The following CYP3A5 variants were observed in gnomAD, a reference collection of about 807,000 sequenced individuals.
The protein encoded by CYP3A5 is cytochrome P450 3A5.
CYP3A5 carries 51 observed loss-of-function variants against 55.9 expected under a neutral mutation model. The observed-to-expected ratio is 0.91, with a 90% CI of 0.73 to 1.15. The LOEUF is 1.15. CYP3A5 is among the 50% of genes most tolerant of loss of function. CYP3A5 has a pLI of 0.00. For synonymous variants in CYP3A5, 196 were observed against 213.9 expected (o/e 0.92, Z 0.73); for missense variants, 533 against 596.6 (o/e 0.89, Z 1.11).
rs1188688887 is a variant in CYP3A5 at position 99,653,203 on chromosome 7, G to C, written c.1027-424C>G. ...AGAGCAAATATCCTCTTCACACAAG[G>C]ATTATTGGTTGCAGAGTCCTGCTTG... On this transcript the variant is annotated intron_variant, in intron 10 of 12. Transcript: ENST00000222982. This position sits in a 1 kb window ranked among gnomAD's most constrained non-coding sequence, Gnocchi z 4.2. 1.3e-5 allele frequency among the ~76,000 whole-genome samples: 2 copies of C among 152,168 alleles called. No homozygotes were observed. The highest frequency in any genetic ancestry group is 4.8e-5 in the African/African-American group (2 of 41,434).
chr7:99,663,398 C>T (rs1295289376), intron 8 of CYP3A5: 1 of 990,968 alleles, frequency 1.0e-6, no homozygotes, highest in African/African-American at 1.7e-5. Flanking sequence ...CCCTGACCTG[C>T]AGACATCCTT....
chr7:99,650,179 G>A lies in CYP3A5; in HGVS notation c.1307C>T (p.Thr436Ile), dbSNP rs188908808. Residue 436 changes from threonine (T) to isoleucine (I), a missense_variant, in exon 12 of 13, where the codon ACT becomes ATT. Physicochemically the swap from Thr to Ile is moderately conservative, Grantham distance 89. Transcript: ENST00000222982. Reference protein sequence around the residue: ...IDPYIYTPFGTGPRNCIGMRF... With the variant: ...IDPYIYTPFGIGPRNCIGMRF... ...CATGCCAATGCAGTTTCTGGGTCCA[G>A]TTCCAAAGGGTGTGTATATGTAAGG... The A allele has an allele frequency of 6.2e-7, 1 of 1,613,986 alleles. No homozygotes were observed. The highest frequency in any genetic ancestry group is 8.5e-7 in the Non-Finnish European group (1 of 1,179,994).
chr7:99,663,038 A>G, intron 8 of CYP3A5, 156 bp from the exon 9 acceptor site: 1 of 1,388,252 alleles, frequency 7.2e-7, no homozygotes, highest in Non-Finnish European at 9.4e-7. Flanking sequence ...GTGAACAAAA[A>G]CATTCATCTA....
At chr7:99,676,671 C>T (rs983242363) in intron 1 of CYP3A5, 4 of 681,710 alleles carry the variant, frequency 5.9e-6, no homozygotes, top group Admixed American at 2.0e-5. Context: ...CACTGGGAGC[C>T]TATGGTGACA....
At chr7:99,666,483 C>T (rs1416082013) in intron 6 of CYP3A5, 118 bp downstream of exon 6, 15 of 1,126,906 alleles carry the variant, frequency 1.3e-5, no homozygotes, top group Middle Eastern at 2.6e-4. Flanking sequence ...GGAGTTGCAG[C>T]GCTGCCCTGC....
At chr7:99,673,833 C>T (rs569528284) in intron 3 of CYP3A5, among the ~76,000 whole-genome samples, 1 of 152,336 alleles carries the variant, frequency 6.6e-6, no homozygotes, top group Admixed American at 6.5e-5. Context: ...AGACACTGGA[C>T]AGAAGGCGAT....
chr7:99,679,296 C>T (rs932451534), intron 1 of CYP3A5, among the ~76,000 whole-genome samples: 1 of 152,076 alleles, frequency 6.6e-6, no homozygotes, highest in East Asian at 1.9e-4. Flanking sequence ...GTCTTGGTGT[C>T]CCCTGGTGCG....
At chr7:99,661,981 A>G (rs1023649471) in intron 9 of CYP3A5, among the ~76,000 whole-genome samples, 1 of 152,256 alleles carries the variant, frequency 6.6e-6, no homozygotes, top group Non-Finnish European at 1.5e-5. Flanking sequence ...AGTGATTTCT[A>G]TATGAAACAG....
intron 4 of CYP3A5, among the ~76,000 whole-genome samples, chr7:99,669,185 T>A (rs1289435880): frequency 6.6e-6 from 1 of 152,216 alleles, no homozygotes; most frequent in Non-Finnish European, 1.5e-5. Context: ...GACAAATGAC[T>A]TTTTCTTGTT....
intron 4 of CYP3A5, chr7:99,670,950 T>G (rs1220791382): frequency 6.6e-6 from 1 of 152,184 alleles, no homozygotes; most frequent in East Asian, 1.9e-4. Context: ...GTAGTGAAGT[T>G]TAGCTAGATA....
Position 99,675,556 on chromosome 7 carries a change from G to A in CYP3A5, c.165+559C>T, listed in dbSNP as rs562600277. ...CATGAGCTTGTGACTTTCCCTCCAG[G>A]GGTAAACCTGGCCATGCTTTGGGTG... On this transcript the variant is annotated intron_variant, in intron 2 of 12. Coordinates refer to ENST00000222982, the MANE Select transcript of CYP3A5 (RefSeq NM_000777.5). Among the ~76,000 whole-genome samples the A allele has an allele frequency of 4.7e-5, 7 of 148,388 alleles. No homozygotes were observed. The South Asian group carries it at 1.3e-3, about 28-fold the overall frequency.
In CYP3A5 at chr7:99,652,712, C is replaced by A. The variant is rs1809312399; in HGVS notation, c.1094G>T (p.Arg365Ile). Residue 365 changes from arginine (R) to isoleucine (I), a missense_variant, in exon 11 of 13, where the codon AGA becomes ATA. Coordinates refer to ENST00000222982, the MANE Select transcript of CYP3A5 (RefSeq NM_000777.5). Reference protein sequence around the residue: ...YLDMVVNETLRLFPVAIRLER... With the variant: ...YLDMVVNETLILFPVAIRLER... ...AAGTCTAATAGCAACTGGGAATAATCTGAGTGTTTCATTCACCACCATGTC... is the reference window on the plus strand; with the variant it reads ...AAGTCTAATAGCAACTGGGAATAATATGAGTGTTTCATTCACCACCATGTC... 1 of 1,614,024 alleles carries A rather than the reference C, an allele frequency of 6.2e-7. No individual in the cohort carries two copies. The highest frequency in any genetic ancestry group is 8.5e-7 in the Non-Finnish European group (1 of 1,180,028).
chr7:99,679,715 C>T (rs1215432881), intron 1 of CYP3A5, 111 bp downstream of exon 1: 4 of 1,000,632 alleles, frequency 4.0e-6, no homozygotes, highest in Non-Finnish European at 6.3e-6. Flanking sequence ...AACACTTCAG[C>T]TACTTCTCCT....
At chr7:99,675,756 C>T (rs560576932) in intron 2 of CYP3A5, among the ~76,000 whole-genome samples, 53 of 139,708 alleles carry the variant, frequency 3.8e-4, no homozygotes, top group Middle Eastern at 3.5e-3. Context: ...TGCAGTGGTG[C>T]GATCACAGCT....
chr7:99,648,578 A>G (rs1459382952), intron 12 of CYP3A5, among the ~76,000 whole-genome samples, 178 bp from the exon 13 acceptor site: 4 of 152,196 alleles, frequency 2.6e-5, no homozygotes. Flanking sequence ...ACTGGATAGT[A>G]AAAGCACTCA....
At chr7:99,652,936 A>G (rs1809333768) in intron 10 of CYP3A5, among the ~76,000 whole-genome samples, 157 bp from the exon 11 acceptor site, 1 of 152,232 alleles carries the variant, frequency 6.6e-6, no homozygotes, top group Non-Finnish European at 1.5e-5. Context: ...TGGCATGTCC[A>G]TTGATGTGCT....
At chr7:99,676,309 A>G in intron 1 of CYP3A5, 101 bp from the exon 2 acceptor site, 6 of 1,582,632 alleles carry the variant, frequency 3.8e-6, no homozygotes, top group Non-Finnish European at 4.3e-6. Flanking sequence ...GAGGGAGGTA[A>G]TATGTACACG....
At chr7:99,670,104 T>C (rs1811438995) in intron 4 of CYP3A5, among the ~76,000 whole-genome samples, 1 of 152,330 alleles carries the variant, frequency 6.6e-6, no homozygotes, top group Middle Eastern at 3.4e-3. Flanking sequence ...TAGCAAGTCA[T>C]TCACTTTTTA....
In CYP3A5 at chr7:99,676,202, C is replaced by A; in HGVS notation, c.78G>T (p.Gly26=). 6.2e-7 allele frequency: 1 copy of A among 1,613,552 alleles called. No individual in the cohort carries two copies. The highest frequency in any genetic ancestry group is 8.5e-7 in the Non-Finnish European group (1 of 1,179,740). Residue 26 remains glycine, a synonymous_variant, in exon 2 of 13, where the codon GGG becomes GGT. Coordinates refer to ENST00000222982, the MANE Select transcript of CYP3A5 (RefSeq NM_000777.5). The part of the protein sequence containing the change: ...AVSLVLLYLY[G]TRTHGLFKRL... ...TCTTAAAAAGTCCATGTGTACGGGT[C>A]CCATATCTACAAAGTGAAACAGAAA...
Sources: allele counts gnomAD v4.1 joint callset (sites outside exome capture counted in the v4.1 genomes callset), GRCh38; gene constraint gnomAD v4.1.1; non-coding constraint Gnocchi (gnomAD v3.1); transcripts MANE v1.5; gene names NCBI Gene and HGNC (gene_info 2026-07-23, HGNC 2026-07-21).